The following XAGE5 variants were observed in gnomAD, a reference collection of about 807,000 sequenced individuals.
XAGE5 encodes the protein X antigen family member 5.
A neutral mutation model predicts 13.1 loss-of-function variants in XAGE5; 13 were observed. The observed-to-expected ratio is 0.99, with a 90% confidence interval of 0.64 to 1.57. XAGE5 has a LOEUF of 1.57. Among genes scored for constraint, XAGE5 ranks in the 40% most tolerant of loss-of-function variants. The pLI is 0.00. For synonymous variants in XAGE5, 17 were observed against 25.0 expected, an observed-to-expected ratio of 0.68 and a Z score of 0.96; for missense variants, 86 against 77.6, an observed-to-expected ratio of 1.11 and a Z score of -0.41.
At chrX:52,812,040 G>A (rs782432852) in intron 2 of XAGE5, among the ~76,000 whole-genome samples, 150 of 111,645 alleles carry the variant, frequency 1.3e-3, no homozygotes, top group Non-Finnish European at 2.4e-3. Context: ...TGGAAATACC[G>A]TGTGTCTCTT....
chrX:52,814,981 C>A, intron 4 of XAGE5, 111 bp from the exon 5 acceptor site: 1 of 888,032 alleles, frequency 1.1e-6, no homozygotes, highest in Non-Finnish European at 1.6e-6. Flanking sequence ...CATTTATTAC[C>A]ACAGTAGCCT....
chrX:52,816,335 A>G (rs1471039625), intron 5 of XAGE5, among the ~76,000 whole-genome samples: 1 of 112,384 alleles, frequency 8.9e-6, no homozygotes, highest in Non-Finnish European at 1.9e-5. Context: ...ACTGAATAAT[A>G]AAATGGAAAG....
At chrX:52,812,983 T>G (rs782335774) in intron 3 of XAGE5, among the ~76,000 whole-genome samples, 157 bp from the exon 4 acceptor site, 1 of 112,176 alleles carries the variant, frequency 8.9e-6, no homozygotes, top group Non-Finnish European at 1.9e-5. Context: ...AGAATAAGTA[T>G]GTGGAATCGT....
chrX:52,818,166 C>G (rs201772879), intron 5 of XAGE5, 25 bp from the exon 6 acceptor site: 1 of 1,207,799 alleles, frequency 8.3e-7, no homozygotes, highest in East Asian at 3.0e-5. Flanking sequence ...TAGTAATGTT[C>G]CCTCCTGTTA....
intron 5 of XAGE5, 57 bp downstream of exon 5, chrX:52,815,274 C>T (rs2146528522): frequency 9.0e-7 from 1 of 1,109,032 alleles, no homozygotes; most frequent in Non-Finnish European, 1.2e-6. Context: ...CAATATTATA[C>T]TTTTGATAAT....
At chrX:52,815,980 C>A (rs1381651990) in intron 5 of XAGE5, among the ~76,000 whole-genome samples, 1 of 111,654 alleles carries the variant, frequency 9.0e-6, no homozygotes, top group Non-Finnish European at 1.9e-5. Context: ...CGGACGAGGT[C>A]TCGCTCTGCC....
chrX:52,815,823 A>T (rs1452939997), intron 5 of XAGE5, among the ~76,000 whole-genome samples: 2 of 112,658 alleles, frequency 1.8e-5, no homozygotes, highest in African/African-American at 6.4e-5. Flanking sequence ...TGCTCCTAAG[A>T]AAACGAGCAG....
In XAGE5 at chrX:52,812,595, C is replaced by G. The variant is rs1556777491; in HGVS notation, c.29C>G (p.Pro10Arg). ...AGTTGGCGAGGAAGAAGATATAGAC[C>G]AAGACGATGTTTACGACTTGCTCAG... MSWRGRRYR[P>R]RRCLRLAQLV... Residue 10 changes from proline to arginine, a missense_variant, in exon 3 of 6, where the codon CCA becomes CGA. Physicochemically the swap from Pro to Arg is moderately radical, Grantham distance 103 (BLOSUM62 -2). Coordinates refer to ENST00000375501, the MANE Select transcript of XAGE5 (RefSeq NM_001386970.1). 1 of 1,211,433 alleles carries G rather than the reference C, an allele frequency of 8.3e-7. No individual in the cohort carries two copies. Among genetic ancestry groups the G allele is most frequent in the Admixed American group, 2.2e-5 (1 of 45,981 alleles).
intron 5 of XAGE5, 107 bp downstream of exon 5, chrX:52,815,324 C>A (rs1926886528): frequency 9.7e-6 from 9 of 924,720 alleles, no homozygotes; most frequent in Middle Eastern, 3.8e-4. Flanking sequence ...AAATAGAGTT[C>A]AAATGCAGAC....
rs1556777596 is a variant in XAGE5, at chrX:52,813,148, T to C, written c.81T>C (p.Ser27=). 1 of 1,210,413 alleles carries C rather than the reference T, an allele frequency of 8.3e-7. No homozygotes were observed. The highest frequency in any genetic ancestry group is 1.7e-5 in the African/African-American group (1 of 57,403). ...CCCCGCCCTTGTCCCAGGAGCCCAG[T>C]GTGCCAGAGCCTCAACAAGAAGAAC... ...AQLVGPMLEP[S]VPEPQQEEPP... is the part of the protein sequence containing the mutation. Residue 27 remains serine (S), a synonymous_variant, in exon 4 of 6, where the codon AGT becomes AGC. Transcript: ENST00000375501.
intron 5 of XAGE5, among the ~76,000 whole-genome samples, chrX:52,816,024 A>C (rs1460938809): frequency 9.0e-6 from 1 of 110,886 alleles, no homozygotes; most frequent in Non-Finnish European, 1.9e-5. Flanking sequence ...GTTCACTGTG[A>C]CCTCCGCCTC....
chrX:52,815,427 A>T (rs1926888636), intron 5 of XAGE5, among the ~76,000 whole-genome samples: 2 of 112,467 alleles, frequency 1.8e-5, no homozygotes, highest in South Asian at 7.3e-4. Flanking sequence ...GCCATATTGA[A>T]CCATCAAATA....
chrX:52,813,498 C>T (rs782400880), intron 4 of XAGE5, among the ~76,000 whole-genome samples: 1 of 111,615 alleles, frequency 9.0e-6, no homozygotes, highest in South Asian at 3.8e-4. Flanking sequence ...CTTCCTAAAT[C>T]AGATGAAACC....
Position 52,815,170 on chromosome X carries a change from A to G in XAGE5, c.257A>G (p.Gln86Arg), listed in dbSNP as rs782302301. The G allele has an allele frequency of 1.9e-5, 23 of 1,209,544 alleles. No individual in the cohort carries two copies. In the South Asian group the frequency reaches 3.9e-4, roughly 20 times the overall value. ...GDECGDSPDV[Q>R]GKILPKSEQF... ...GAATGCGGAGATAGTCCTGATGTCC[A>G]GGGGAAGATTCTGCCAAAATCAGAG... The change falls in exon 5 of 6, where the codon CAG becomes CGG. Residue 86 changes from glutamine to arginine, a missense_variant. Transcript: ENST00000375501.
rs782286603 is a variant in XAGE5, at chrX:52,812,610, G to C, written c.44G>C (p.Arg15Pro). 3 of 1,209,969 alleles carry C rather than the reference G, an allele frequency of 2.5e-6. No homozygotes were observed. The highest frequency in any genetic ancestry group is 3.4e-6 in the Non-Finnish European group (3 of 895,237). Residue 15 changes from arginine to proline, a missense_variant, in exon 3 of 6, where the codon CGA becomes CCA. Transcript: ENST00000375501. ...AGATATAGACCAAGACGATGTTTAC[G>C]ACTTGCTCAGCTGGTTGGGCCTATG... The part of the protein sequence containing the change: ...GRRYRPRRCL[R>P]LAQLVGPMLE...
chrX:52,815,290 G>A lies in XAGE5; in HGVS notation c.304+73G>A, dbSNP rs1379450398. ...AATATTATACTTTTGATAATAAAAGGAGAGAATATTACTGCCCCTTTAGAA... is the reference window on the plus strand; with the variant it reads ...AATATTATACTTTTGATAATAAAAGAAGAGAATATTACTGCCCCTTTAGAA... On this transcript the variant is annotated intron_variant, in intron 5 of 5. Transcript: ENST00000375501. The A allele has an allele frequency of 5.6e-6, 6 of 1,077,215 alleles. No homozygotes were observed. The East Asian group carries it at 1.6e-4, about 28-fold the overall frequency. The allele number at this position is 1,077,215 out of a possible 1,213,427, so 88.8% of individuals were successfully genotyped here. A position where few individuals can be genotyped will look rare whatever the true frequency, so the allele number is the denominator to read the frequency against.
At chrX:52,812,832 C>T (rs1486598611) in intron 3 of XAGE5, among the ~76,000 whole-genome samples, 194 bp downstream of exon 3, 2 of 111,494 alleles carry the variant, frequency 1.8e-5, no homozygotes, top group African/African-American at 6.5e-5. Context: ...TTGTGTTCCT[C>T]GATTTCACTG....
At chrX:52,812,684 T>G in intron 3 of XAGE5, 46 bp downstream of exon 3, 1 of 1,138,336 alleles carries the variant, frequency 8.8e-7, no homozygotes, top group Non-Finnish European at 1.2e-6. Context: ...AGAAATTTTT[T>G]TGTGTGGTAG....
intron 4 of XAGE5, among the ~76,000 whole-genome samples, chrX:52,813,490 T>G (rs1343188388): frequency 8.9e-6 from 1 of 111,789 alleles, no homozygotes; most frequent in African/African-American, 3.3e-5. Flanking sequence ...ATATAGTCCT[T>G]CCTAAATCAG....
Sources: gnomAD v4.1 joint callset for allele counts (sites outside exome capture counted in the v4.1 genomes callset) on GRCh38, gnomAD v4.1.1 for gene constraint, MANE v1.5 for transcripts, NCBI Gene and HGNC (gene_info 2026-07-23, HGNC 2026-07-21) for gene names.